Variants in SSBP2 observed in about 807,000 individuals in gnomAD.
SSBP2 encodes the protein single stranded DNA binding protein 2, also known as single-stranded DNA-binding protein 2.
A neutral mutation model predicts 61.8 loss-of-function variants in SSBP2; 17 were observed. The ratio of observed to expected loss-of-function variants is 0.28; its 90% CI spans 0.19 to 0.41. The LOEUF is 0.41. Among genes scored for constraint, SSBP2 ranks in the 10% least tolerant of loss-of-function variants. The pLI is 1.00. For missense variants in SSBP2, 310 were observed against 458.7 expected (o/e 0.68, Z 2.96); for synonymous variants, 139 against 141.3 (o/e 0.98, Z 0.12).
chr5:81,421,363 T>C (rs1182371297), intron 16 of SSBP2, among the ~76,000 whole-genome samples: 1 of 152,088 alleles, frequency 6.6e-6, no homozygotes, highest in Non-Finnish European at 1.5e-5. Context: ...TGGCTAATTT[T>C]TGTATTTTTT....
intron 1 of SSBP2, among the ~76,000 whole-genome samples, chr5:81,707,453 A>C (rs1754473241): frequency 6.6e-6 from 1 of 152,140 alleles, no homozygotes; most frequent in African/African-American, 2.4e-5. Flanking sequence ...AGGTGACATG[A>C]AGAGACACAG....
intron 1 of SSBP2, among the ~76,000 whole-genome samples, chr5:81,736,270 T>G (rs138635179): frequency 1.3e-5 from 2 of 152,274 alleles, no homozygotes; most frequent in African/African-American, 4.8e-5. Flanking sequence ...ATTGGCGCTA[T>G]GCCAAAAGCC....
chr5:81,559,883 A>G (rs1772907401), intron 4 of SSBP2, among the ~76,000 whole-genome samples: 1 of 152,188 alleles, frequency 6.6e-6, no homozygotes, highest in Non-Finnish European at 1.5e-5. Flanking sequence ...AAGGCATCAG[A>G]AGTCTAGTTT....
At chr5:81,564,744 C>T (rs1773298076) in intron 4 of SSBP2, among the ~76,000 whole-genome samples, 1 of 152,168 alleles carries the variant, frequency 6.6e-6, no homozygotes, top group Non-Finnish European at 1.5e-5. Flanking sequence ...TATCAGAAAT[C>T]AAGAGAAAGC....
At chr5:81,705,975 C>T (rs1368154664) in intron 1 of SSBP2, among the ~76,000 whole-genome samples, 1 of 152,142 alleles carries the variant, frequency 6.6e-6, no homozygotes, top group African/African-American at 2.4e-5. Flanking sequence ...ACCAATCAAC[C>T]CAGCAATCCT....
chr5:81,656,187 G>C (rs998277960), intron 1 of SSBP2, among the ~76,000 whole-genome samples: 1 of 152,000 alleles, frequency 6.6e-6, no homozygotes, highest in African/African-American at 2.4e-5. Context: ...GAGTAGCTGG[G>C]ACTACAGGTG....
intron 4 of SSBP2, among the ~76,000 whole-genome samples, chr5:81,534,344 C>A (rs1770648886): frequency 6.6e-6 from 1 of 152,054 alleles, no homozygotes; most frequent in Admixed American, 6.6e-5. Flanking sequence ...AAAGCAAAAA[C>A]CACAGTTTGA....
At chr5:81,631,478 A>G (rs1747713676) in intron 3 of SSBP2, among the ~76,000 whole-genome samples, 1 of 135,882 alleles carries the variant, frequency 7.4e-6, no homozygotes, top group South Asian at 2.2e-4. Flanking sequence ...GAAGAAATGG[A>G]AAAAAAAAAA....
chr5:81,678,790 A>G (rs1433031025), intron 1 of SSBP2, among the ~76,000 whole-genome samples: 1 of 152,146 alleles, frequency 6.6e-6, no homozygotes, highest in East Asian at 1.9e-4. Context: ...AAATAAAAGA[A>G]CGCCAAACCT....
rs1160080305 is a variant in SSBP2 at position 81,445,138 on chromosome 5, T to TTATATATATATATA, written c.778+1716_778+1729dup. ...TGTCTCAGCAAAGAAAAAAAAAATT[T>TTATATATATATATA]TATATATATATATATATATATATAT... On this transcript the variant is annotated intron_variant, in intron 12 of 16. Coordinates refer to ENST00000320672, the MANE Select transcript of SSBP2 (RefSeq NM_012446.5). Among the ~76,000 whole-genome samples, 91 of 33,828 alleles carry TTATATATATATATA rather than the reference T, an allele frequency of 2.7e-3. 5 individuals carry two copies. The highest frequency in any genetic ancestry group is 3.7e-3 in the Admixed American group (7 of 1,882). 22.2% of individuals were successfully genotyped at this position (33,828 alleles called of 152,430 possible). A position where few individuals can be genotyped will look rare whatever the true frequency, so the allele number is the denominator to read the frequency against.
Position 81,420,184 on chromosome 5 carries a change from G to T in SSBP2, c.*320C>A. ...GTGATAATATTTTACAATGTCCTGT[G>T]GGTCAATGTATGTATGTGTATATGT... On this transcript the variant is annotated 3_prime_UTR_variant, in exon 17 of 17. Transcript: ENST00000320672. 1 of 263,764 alleles carries T rather than the reference G, an allele frequency of 3.8e-6. No individual in the cohort carries two copies. The highest frequency in any genetic ancestry group is 7.1e-6 in the Non-Finnish European group (1 of 141,004). The allele number at this position is 263,764 out of a possible 1,614,324, so 16.3% of individuals were successfully genotyped here.
At chr5:81,662,372 CAGA>C (rs1446968660) in intron 1 of SSBP2, among the ~76,000 whole-genome samples, 1 of 152,096 alleles carries the variant, frequency 6.6e-6, no homozygotes, top group Admixed American at 6.5e-5. Context: ...GAGGCTGAGG[CAGA>C]AGAATCGCTT....
chr5:81,669,142 A>C (rs992993944), intron 1 of SSBP2, among the ~76,000 whole-genome samples: 8 of 152,190 alleles, frequency 5.3e-5, no homozygotes, highest in Non-Finnish European at 8.8e-5. Context: ...AGTATATAGA[A>C]TAAAACTTTG....
intron 1 of SSBP2, among the ~76,000 whole-genome samples, chr5:81,659,990 C>T (rs957431177): frequency 1.3e-5 from 2 of 152,052 alleles, no homozygotes; most frequent in African/African-American, 4.8e-5. Context: ...AAACTAGACC[C>T]CTTCCTTACA....
At chr5:81,497,410 CACCA>C (rs1290449593) in intron 5 of SSBP2, among the ~76,000 whole-genome samples, 1 of 152,142 alleles carries the variant, frequency 6.6e-6, no homozygotes, top group African/African-American at 2.4e-5. Flanking sequence ...ACCAAGTGAT[CACCA>C]ACCCTAATGG....
intron 4 of SSBP2, among the ~76,000 whole-genome samples, chr5:81,559,055 G>C (rs933332189): frequency 2.0e-5 from 3 of 151,994 alleles, no homozygotes; most frequent in Admixed American, 1.3e-4. Flanking sequence ...AGAGATCGAG[G>C]CCAGTCTGGC....
chr5:81,603,494 C>A (rs1347725103), intron 4 of SSBP2, among the ~76,000 whole-genome samples: 2 of 152,140 alleles, frequency 1.3e-5, no homozygotes, highest in Non-Finnish European at 2.9e-5. Context: ...TTAAGACCAG[C>A]CTAGATTCAA....
At position 81,608,841 on chromosome 5, in the gene SSBP2, C is replaced by T. The variant is rs572946820; in HGVS notation, c.282+6632G>A. Among the ~76,000 whole-genome samples the T allele has an allele frequency of 2.8e-3, 421 of 151,952 alleles. 1 individual carries two copies. The highest frequency in any genetic ancestry group is 4.4e-3 in the Non-Finnish European group (299 of 67,996). On this transcript the variant is annotated intron_variant, in intron 4 of 16. Coordinates refer to ENST00000320672, the MANE Select transcript of SSBP2 (RefSeq NM_012446.5). The stretch of plus-strand genomic sequence containing the variant: ...GCTTTTGGAAATGATGAAGACGTTA[C>T]CTAAGGCATCCAAAGTGGGATTACA...
intron 1 of SSBP2, among the ~76,000 whole-genome samples, chr5:81,723,398 C>A (rs761801742): frequency 1.3e-5 from 2 of 151,900 alleles, no homozygotes; most frequent in Non-Finnish European, 2.9e-5. Flanking sequence ...CTCCATTTTT[C>A]TCTTGCTTCT....
Sources: allele counts gnomAD v4.1 joint callset (sites outside exome capture counted in the v4.1 genomes callset), GRCh38; gene constraint gnomAD v4.1.1; transcripts MANE v1.5; gene names NCBI Gene and HGNC (gene_info 2026-07-23, HGNC 2026-07-21).